The following FRMPD4 variants were observed in gnomAD, a reference collection of about 807,000 sequenced individuals.
FRMPD4 encodes FERM and PDZ domain-containing protein 4.
In FRMPD4, 22 loss-of-function variants were observed where a neutral mutation model predicts 94.1. That is an observed-to-expected ratio of 0.23 (90% CI 0.17 to 0.33). The LOEUF (loss-of-function observed/expected upper bound fraction) is 0.33, where lower values mean the gene tolerates loss of function less well. Ranked by LOEUF, FRMPD4 falls within the 10% of genes least tolerant of loss-of-function variation. The probability of loss-of-function intolerance (pLI) is 1.00; values close to 1 mark genes in which losing one functional copy is unlikely to be tolerated. For synonymous variants in FRMPD4, 631 were observed against 548.6 expected, an observed-to-expected ratio of 1.15 and a Z score of -2.10; for missense variants, 1,111 against 1,339.9, an observed-to-expected ratio of 0.83 and a Z score of 2.67.
At chrX:12,244,178 T>C (rs1308205418) in intron 1 of FRMPD4, among the ~76,000 whole-genome samples, 3 of 110,782 alleles carry the variant, frequency 2.7e-5, no homozygotes, top group South Asian at 7.8e-4. Context: ...AGAGGAGGTA[T>C]GCCCAGAAAC....
At chrX:12,020,792 A>C (rs1014176172) in intron 3 of FRMPD4, among the ~76,000 whole-genome samples, 1 of 111,885 alleles carries the variant, frequency 8.9e-6, no homozygotes, top group Non-Finnish European at 1.9e-5. Flanking sequence ...GAGTCTTTCT[A>C]CCATTCAAAA....
intron 3 of FRMPD4, among the ~76,000 whole-genome samples, chrX:12,086,917 A>T (rs1037206243): frequency 1.0e-4 from 11 of 110,356 alleles, no homozygotes; most frequent in African/African-American, 3.6e-4. Flanking sequence ...GTACTATAAG[A>T]CTGAGGTCCC....
chrX:12,140,817 GT>G (rs2055679199), intron 1 of FRMPD4, among the ~76,000 whole-genome samples: 1 of 112,030 alleles, frequency 8.9e-6, no homozygotes, highest in East Asian at 2.8e-4. Context: ...AAGCAAGGCT[GT>G]GGGGAGAGTG....
intron 1 of FRMPD4, among the ~76,000 whole-genome samples, chrX:11,853,958 T>C (rs1236779176): frequency 7.1e-5 from 8 of 112,305 alleles, no homozygotes; most frequent in Non-Finnish European, 9.4e-5. Flanking sequence ...GTATTCTTGA[T>C]GAACATTGTA....
At chrX:11,905,372 G>C (rs2053961794) in intron 3 of FRMPD4, among the ~76,000 whole-genome samples, 1 of 111,518 alleles carries the variant, frequency 9.0e-6, no homozygotes, top group Non-Finnish European at 1.9e-5. Flanking sequence ...AAATGAGCCT[G>C]GGACCTTGGT....
chrX:12,252,204 G>C (rs921707466), intron 1 of FRMPD4, among the ~76,000 whole-genome samples: 27 of 111,029 alleles, frequency 2.4e-4, no homozygotes, highest in African/African-American at 8.5e-4. Context: ...GGCTTGTTGT[G>C]GTCTGTGATG....
chrX:11,927,632 A>G (rs766026400), intron 3 of FRMPD4, among the ~76,000 whole-genome samples: 1 of 112,342 alleles, frequency 8.9e-6, no homozygotes, highest in South Asian at 3.7e-4. Context: ...AAACCTGACA[A>G]AAACAAGCAA....
intron 1 of FRMPD4, among the ~76,000 whole-genome samples, chrX:12,417,695 T>TTATTCATTTTATTCA (rs1352754662): frequency 9.1e-6 from 1 of 110,108 alleles, no homozygotes; most frequent in Non-Finnish European, 1.9e-5. Flanking sequence ...CTATGTGCTT[T>TTATTCATTTTATTCA]TATTCATTTT....
At chrX:12,093,786 C>G (rs186174186) in intron 3 of FRMPD4, among the ~76,000 whole-genome samples, 1 of 110,609 alleles carries the variant, frequency 9.0e-6, no homozygotes, top group East Asian at 2.8e-4. Context: ...CCAAAAATCA[C>G]TGTCCTACTT....
chrX:11,950,398 T>A (rs981269564), intron 3 of FRMPD4, among the ~76,000 whole-genome samples: 1 of 111,289 alleles, frequency 9.0e-6, no homozygotes, highest in Non-Finnish European at 1.9e-5. Context: ...GTTAACTTTT[T>A]TGTTTGTTTG....
intron 2 of FRMPD4, among the ~76,000 whole-genome samples, chrX:12,597,680 T>C (rs2059044634): frequency 8.9e-6 from 1 of 112,682 alleles, no homozygotes; most frequent in Non-Finnish European, 1.9e-5. Context: ...GTTTCTAAGA[T>C]ATTCCACTTT....
chrX:12,189,108 T>C (rs1042337097), intron 1 of FRMPD4, among the ~76,000 whole-genome samples: 3 of 111,328 alleles, frequency 2.7e-5, no homozygotes, highest in African/African-American at 9.8e-5. Flanking sequence ...GAGGTGACCT[T>C]ACTACAGCTC....
chrX:12,265,156 C>G (rs1160790018), intron 1 of FRMPD4, among the ~76,000 whole-genome samples: 1 of 112,023 alleles, frequency 8.9e-6, no homozygotes, highest in Admixed American at 9.5e-5. Context: ...CTAAAAATAT[C>G]GAAGTCCCAG....
intron 1 of FRMPD4, among the ~76,000 whole-genome samples, chrX:12,390,419 A>C (rs1447808559): frequency 1.8e-5 from 2 of 112,283 alleles, no homozygotes; most frequent in African/African-American, 6.5e-5. Context: ...CTTTGCCTTT[A>C]ACAAAATATA....
chrX:12,262,406 C>A (rs1438613590), intron 1 of FRMPD4, among the ~76,000 whole-genome samples: 1 of 111,554 alleles, frequency 9.0e-6, no homozygotes, highest in Non-Finnish European at 1.9e-5. Context: ...CACCATGTAT[C>A]TGGCCCTATA....
chrX:12,625,280 C>T (rs893500675), intron 4 of FRMPD4, among the ~76,000 whole-genome samples: 9 of 111,371 alleles, frequency 8.1e-5, no homozygotes, highest in Admixed American at 7.6e-4. Flanking sequence ...AGCAATATCA[C>T]TACTAGATAC....
intron 1 of FRMPD4, among the ~76,000 whole-genome samples, chrX:12,389,446 G>A (rs1163955201): frequency 9.4e-5 from 10 of 106,115 alleles, no homozygotes; most frequent in African/African-American, 3.4e-4. Context: ...CTGCACTCCA[G>A]CCTGGGTGAC....
At chrX:11,845,048 T>C (rs1250182236) in intron 1 of FRMPD4, among the ~76,000 whole-genome samples, 1 of 112,410 alleles carries the variant, frequency 8.9e-6, no homozygotes, top group Non-Finnish European at 1.9e-5. Context: ...TCCATCTGGA[T>C]ATAATGATTA....
chrX:11,877,238 C>A (rs776711719), intron 2 of FRMPD4, among the ~76,000 whole-genome samples: 1 of 111,716 alleles, frequency 9.0e-6, no homozygotes, highest in Non-Finnish European at 1.9e-5. Context: ...AAGGTAGATG[C>A]GTTAAATCTC....
Sources: allele counts gnomAD v4.1 joint callset (sites outside exome capture counted in the v4.1 genomes callset), GRCh38; gene constraint gnomAD v4.1.1; transcripts MANE v1.5; gene names NCBI Gene and HGNC (gene_info 2026-07-23, HGNC 2026-07-21).